TMEM170A: variants seen among roughly 807,000 people sequenced by gnomAD.
TMEM170A encodes the protein transmembrane protein 170.
Under a neutral mutation model 12.8 loss-of-function variants are expected in TMEM170A, and 18 were observed. The ratio of observed to expected loss-of-function variants is 1.41; its 90% CI spans 0.97 to 2.09. The LOEUF is 2.09. TMEM170A is among the 30% of genes most tolerant of loss of function. TMEM170A has a pLI of 0.00. For missense variants in TMEM170A, 220 were observed against 179.9 expected (o/e 1.22, Z -1.28); for synonymous variants, 107 against 76.2 (o/e 1.40, Z -2.11).
At chr16:75,449,859 A>C (rs148447717) in intron 2 of TMEM170A, among the ~76,000 whole-genome samples, 3 of 152,200 alleles carry the variant, frequency 2.0e-5, no homozygotes, top group African/African-American at 7.2e-5. Flanking sequence ...ACTGGGCCCT[A>C]AAGTGGGATT....
In TMEM170A at chr16:75,444,710, A is replaced by ATC. The variant is rs563187306; in HGVS notation, c.*2847_*2848insGA. 6.8e-6 allele frequency: 1 copy of ATC among 146,474 alleles called. No individual in the cohort carries two copies. The highest frequency in any genetic ancestry group is 6.7e-5 in the Admixed American group (1 of 14,952). The allele number at this position is 146,474 out of a possible 1,614,324, so 9.1% of individuals were successfully genotyped here. A position where few individuals can be genotyped will look rare whatever the true frequency, so the allele number is the denominator to read the frequency against. ...ACACCGCTCAAGCTATTTAAAATCT[A>ATC]TATATATATATAGATTTATTCACTG... On this transcript the variant is annotated 3_prime_UTR_variant, in exon 3 of 3. Transcript: ENST00000561878.
At chr16:75,458,700 T>C (rs774089573) in intron 1 of TMEM170A, 7 of 152,222 alleles carry the variant, frequency 4.6e-5, no homozygotes, top group Non-Finnish European at 8.8e-5. Flanking sequence ...TGTATGGCTT[T>C]AAGCTGCTAA....
intron 2 of TMEM170A, among the ~76,000 whole-genome samples, chr16:75,450,082 A>G (rs1296463422): frequency 2.6e-5 from 4 of 151,996 alleles, no homozygotes; most frequent in Non-Finnish European, 5.9e-5. Context: ...GGAACAAACT[A>G]AGACAGGCCC....
rs71380746 is a variant in TMEM170A at position 75,454,459 on chromosome 16, T to TACACACACACAC, written c.134-2621_134-2620insGTGTGTGTGTGT. 5.9e-4 allele frequency among the ~76,000 whole-genome samples: 88 copies of TACACACACACAC among 150,038 alleles called. 1 individual carries two copies. Among genetic ancestry groups the TACACACACACAC allele is most frequent in the African/African-American group, 1.8e-3 (75 of 40,754 alleles). On this transcript the variant is annotated intron_variant, in intron 1 of 2. Coordinates refer to ENST00000561878, the MANE Select transcript of TMEM170A (RefSeq NM_145254.3). ...TAGTGAAACCCTGTCTCTCTAAAAA[T>TACACACACACAC]ACACACACATACACACACACACAAA...
At chr16:75,448,808 T>C (rs2079631188) in intron 2 of TMEM170A, among the ~76,000 whole-genome samples, 1 of 150,518 alleles carries the variant, frequency 6.6e-6, no homozygotes, top group Non-Finnish European at 1.5e-5. Context: ...AAGCCTATAA[T>C]CCCATCATTT....
intron 1 of TMEM170A, among the ~76,000 whole-genome samples, chr16:75,453,847 C>T (rs771522912): frequency 1.2e-4 from 19 of 152,172 alleles, no homozygotes; most frequent in Non-Finnish European, 2.5e-4. Context: ...AAAAACTATG[C>T]ATGAGGCACC....
At chr16:75,464,329 G>T in intron 1 of TMEM170A, 139 bp downstream of exon 1, 1 of 1,415,758 alleles carries the variant, frequency 7.1e-7, no homozygotes, top group Non-Finnish European at 9.2e-7. Flanking sequence ...CGGGCGAGCA[G>T]CACGGCCCCC....
At chr16:75,456,798 G>A (rs1324520943) in intron 1 of TMEM170A, among the ~76,000 whole-genome samples, 1 of 152,174 alleles carries the variant, frequency 6.6e-6, no homozygotes, top group African/African-American at 2.4e-5. Flanking sequence ...GGCAGCTACT[G>A]TGGCCCCTGG....
At chr16:75,449,015 T>C (rs542977245) in intron 2 of TMEM170A, among the ~76,000 whole-genome samples, 2 of 151,728 alleles carry the variant, frequency 1.3e-5, no homozygotes, top group African/African-American at 4.8e-5. Flanking sequence ...GAGCTGTGAC[T>C]ATGCCACTGC....
At chr16:75,456,485 T>A (rs974478236) in intron 1 of TMEM170A, among the ~76,000 whole-genome samples, 7 of 151,568 alleles carry the variant, frequency 4.6e-5, no homozygotes, top group Admixed American at 4.6e-4. Context: ...GACTCAGGAG[T>A]CTTCCTCCAC....
intron 1 of TMEM170A, among the ~76,000 whole-genome samples, chr16:75,457,808 G>T (rs1311160871): frequency 3.9e-5 from 6 of 152,078 alleles, no homozygotes; most frequent in Admixed American, 3.3e-4. Flanking sequence ...GAGGCACACC[G>T]CACCCCCTAC....
intron 1 of TMEM170A, 130 bp downstream of exon 1, chr16:75,464,338 C>G: frequency 2.2e-6 from 3 of 1,381,316 alleles, no homozygotes; most frequent in East Asian, 3.2e-5. Context: ...AGCACGGCCC[C>G]CCTCCCGGAG....
intron 1 of TMEM170A, 111 bp from the exon 2 acceptor site, chr16:75,451,950 C>T: frequency 9.7e-7 from 1 of 1,026,184 alleles, no homozygotes; most frequent in South Asian, 1.8e-5. Flanking sequence ...TTCTTTTTTC[C>T]TTTTTTTTGA....
chr16:75,447,493 C>T lies in TMEM170A; in HGVS notation c.*65G>A. On this transcript the variant is annotated 3_prime_UTR_variant, in exon 3 of 3. Coordinates refer to ENST00000561878, the MANE Select transcript of TMEM170A (RefSeq NM_145254.3). ...GAAGAACTAAGAAAACACTACACTC[C>T]ATAATGTATTCTTTTGGAGGATTCC... is the stretch of plus-strand genomic sequence containing the variant. 6.5e-7 allele frequency: 1 copy of T among 1,537,764 alleles called. No individual in the cohort carries two copies. Among genetic ancestry groups the T allele is most frequent in the Non-Finnish European group, 8.7e-7 (1 of 1,143,918 alleles).
Position 75,443,201 on chromosome 16 carries a change from A to G in TMEM170A, c.*4357T>C, listed in dbSNP as rs1011828194. ...GAAGTCAATTTTATTACAAAAGATTAAACTCATTAGCCACCAAAAAGAAAT... is the reference window on the plus strand; with the variant it reads ...GAAGTCAATTTTATTACAAAAGATTGAACTCATTAGCCACCAAAAAGAAAT... On this transcript the variant is annotated 3_prime_UTR_variant, in exon 3 of 3. Transcript: ENST00000561878. 2 of 152,384 alleles carry G rather than the reference A, an allele frequency of 1.3e-5. No homozygotes were observed. Among genetic ancestry groups the G allele is most frequent in the African/African-American group, 4.8e-5 (2 of 41,596 alleles). The allele number at this position is 152,384 out of a possible 1,614,324, so 9.4% of individuals were successfully genotyped here.
At chr16:75,447,782 A>G in intron 2 of TMEM170A, 94 bp from the exon 3 acceptor site, 2 of 1,348,324 alleles carry the variant, frequency 1.5e-6, no homozygotes, top group Non-Finnish European at 2.0e-6. Context: ...TGCGAGTAGA[A>G]TGTTCCAGAT....
At chr16:75,462,919 A>G (rs902099127) in intron 1 of TMEM170A, among the ~76,000 whole-genome samples, 9 of 152,210 alleles carry the variant, frequency 5.9e-5, no homozygotes, top group African/African-American at 1.9e-4. Flanking sequence ...TAGAAGATAC[A>G]TGTTAAGATT....
intron 1 of TMEM170A, among the ~76,000 whole-genome samples, chr16:75,459,583 G>A (rs115470221): frequency 0.024 from 3,625 of 152,220 alleles, 71 homozygotes; most frequent in South Asian, 0.082. Context: ...TTGGCAGGGC[G>A]TGGTGGCTGA....
rs112225875 is a variant in TMEM170A at position 75,451,643 on chromosome 16, G to T, written c.304+26C>A. The T allele has an allele frequency of 2.5e-5, 41 of 1,612,308 alleles. 2 individuals carry two copies. In the African/African-American group the frequency reaches 4.1e-4, roughly 16 times the overall value. On this transcript the variant is annotated intron_variant, in intron 2 of 2. Transcript: ENST00000561878. The stretch of plus-strand genomic sequence containing the variant: ...TTGACTAGTCATATTAAACATTTTT[G>T]ACTGGTATTTTAATGTCTAACATAC...
Sources: gnomAD v4.1 joint callset for allele counts (sites outside exome capture counted in the v4.1 genomes callset) on GRCh38, gnomAD v4.1.1 for gene constraint, MANE v1.5 for transcripts, NCBI Gene and HGNC (gene_info 2026-07-23, HGNC 2026-07-21) for gene names.